The following DLG2 variants were observed in gnomAD, a reference collection of about 807,000 sequenced individuals.
DLG2 encodes the protein discs large MAGUK scaffold protein 2.
DLG2 carries 45 observed loss-of-function variants against 132.5 expected under a neutral mutation model. That is an observed-to-expected ratio of 0.34 (90% confidence interval 0.27 to 0.44). The LOEUF (loss-of-function observed/expected upper bound fraction) is 0.44, where lower values mean the gene tolerates loss of function less well. Ranked by LOEUF, DLG2 falls within the 20% of genes least tolerant of loss-of-function variation. The pLI, the probability that DLG2 is intolerant of heterozygous loss-of-function variation, is 1.00. For missense variants in DLG2, 1,045 were observed against 1,196.9 expected (o/e 0.87, Z 1.87); for synonymous variants, 424 against 419.6 (o/e 1.01, Z -0.13).
intron 18 of DLG2, 83 bp from the exon 19 acceptor site, chr11:83,633,408 C>T (rs1370560932): frequency 5.3e-6 from 6 of 1,131,450 alleles, no homozygotes; most frequent in Non-Finnish European, 7.9e-6. Flanking sequence ...AGCCCCTCAC[C>T]CACGTTGTTG....
At chr11:85,103,938 C>T (rs140949161) in intron 6 of DLG2, among the ~76,000 whole-genome samples, 109 of 151,684 alleles carry the variant, frequency 7.2e-4, no homozygotes, top group East Asian at 5.8e-4. Flanking sequence ...AGAAGATAAA[C>T]GGTAATAAGT....
At chr11:84,020,774 T>G (rs754910365) in intron 11 of DLG2, among the ~76,000 whole-genome samples, 4 of 152,192 alleles carry the variant, frequency 2.6e-5, no homozygotes, top group Admixed American at 6.5e-5. Context: ...TTCAGCTCTC[T>G]CAGGACGGCA....
chr11:84,322,634 G>A (rs2098411008), intron 7 of DLG2, among the ~76,000 whole-genome samples: 1 of 149,608 alleles, frequency 6.7e-6, no homozygotes, highest in Non-Finnish European at 1.5e-5. Context: ...CTGTTGCCCA[G>A]GCTGGAGTAC....
chr11:84,161,908 C>G (rs2095555496), intron 9 of DLG2, among the ~76,000 whole-genome samples: 1 of 152,016 alleles, frequency 6.6e-6, no homozygotes, highest in Non-Finnish European at 1.5e-5. Flanking sequence ...GTTAGCATAC[C>G]ATTAAAATTT....
intron 16 of DLG2, among the ~76,000 whole-genome samples, chr11:83,866,476 G>C (rs781088226): frequency 2.6e-5 from 4 of 152,074 alleles, no homozygotes; most frequent in Non-Finnish European, 5.9e-5. Context: ...GCTCTTTAGT[G>C]ACATCTCAGT....
intron 17 of DLG2, among the ~76,000 whole-genome samples, chr11:83,831,886 G>A (rs1054608594): frequency 6.6e-6 from 1 of 151,936 alleles, no homozygotes; most frequent in East Asian, 1.9e-4. Context: ...ATAAATATTT[G>A]AATAAGTTAA....
At chr11:84,182,520 C>A (rs1342142760) in intron 8 of DLG2, among the ~76,000 whole-genome samples, 1 of 150,776 alleles carries the variant, frequency 6.6e-6, no homozygotes, top group African/African-American at 2.4e-5. Flanking sequence ...CAAAGTGAGA[C>A]CCTGTCTCAA....
At chr11:84,652,487 A>G (rs535157913) in intron 6 of DLG2, among the ~76,000 whole-genome samples, 2 of 150,860 alleles carry the variant, frequency 1.3e-5, no homozygotes, top group Non-Finnish European at 1.5e-5. Context: ...ATGTTTAAAG[A>G]AGAAGGCAAT....
chr11:84,266,250 G>C (rs1166968503), intron 7 of DLG2, among the ~76,000 whole-genome samples: 2 of 152,174 alleles, frequency 1.3e-5, no homozygotes, highest in Non-Finnish European at 2.9e-5. Flanking sequence ...CTTCACAAGT[G>C]AGGAAGATAT....
intron 15 of DLG2, among the ~76,000 whole-genome samples, chr11:83,889,810 G>T (rs58831120): frequency 8.6e-5 from 13 of 151,986 alleles, no homozygotes; most frequent in East Asian, 1.9e-4. Context: ...GTCCTTTGTA[G>T]GGACATGGAT....
chr11:85,234,175 T>C (rs1305696491), intron 4 of DLG2, among the ~76,000 whole-genome samples: 1 of 151,902 alleles, frequency 6.6e-6, no homozygotes, highest in Non-Finnish European at 1.5e-5. Flanking sequence ...TGTTCTATGA[T>C]ACAGGAAGGT....
intron 6 of DLG2, among the ~76,000 whole-genome samples, chr11:84,744,509 A>C (rs2065101883): frequency 6.6e-6 from 1 of 152,208 alleles, no homozygotes; most frequent in East Asian, 1.9e-4. Flanking sequence ...TTCTGACTGC[A>C]CTAATTAGGG....
chr11:84,396,037 T>C (rs1382594185), intron 7 of DLG2, among the ~76,000 whole-genome samples: 1 of 152,226 alleles, frequency 6.6e-6, no homozygotes, highest in East Asian at 1.9e-4. Flanking sequence ...TAATAAAAGG[T>C]AGCCTGCTCT....
At chr11:84,922,994 T>A in intron 6 of DLG2, 1 of 1,557,420 alleles carries the variant, frequency 6.4e-7, no homozygotes, top group Non-Finnish European at 8.9e-7. Flanking sequence ...ATCCGAAAAG[T>A]CCTGAAGCTA....
chr11:84,831,943 A>G (rs559890962), intron 6 of DLG2, among the ~76,000 whole-genome samples: 19 of 151,770 alleles, frequency 1.3e-4, no homozygotes, highest in Non-Finnish European at 2.4e-4. Context: ...TAATTGAACA[A>G]TTAGTTAACA....
intron 18 of DLG2, among the ~76,000 whole-genome samples, chr11:83,645,544 CATAA>C (rs1472699442): frequency 6.6e-6 from 1 of 151,990 alleles, no homozygotes; most frequent in Non-Finnish European, 1.5e-5. Flanking sequence ...GACTTTTATG[CATAA>C]ATAAATAAAA....
At chr11:85,549,992 A>G (rs2076571297) in intron 3 of DLG2, among the ~76,000 whole-genome samples, 1 of 152,248 alleles carries the variant, frequency 6.6e-6, no homozygotes, top group African/African-American at 2.4e-5. Context: ...TTAACAATAA[A>G]TATAAGCAGC....
chr11:84,628,730 G>C (rs2099626905), intron 6 of DLG2, among the ~76,000 whole-genome samples: 1 of 152,146 alleles, frequency 6.6e-6, no homozygotes, highest in Admixed American at 6.5e-5. Context: ...AAGTCACTTG[G>C]TGGGTTGGAG....
intron 16 of DLG2, 114 bp downstream of exon 16, chr11:83,874,306 A>G (rs373763233): frequency 3.1e-6 from 1 of 321,810 alleles, no homozygotes; most frequent in Non-Finnish European, 4.6e-6. Context: ...GAAGGAAGGA[A>G]AGAAGGAAGG....
Sources: gnomAD v4.1 joint callset for allele counts (sites outside exome capture counted in the v4.1 genomes callset) on GRCh38, gnomAD v4.1.1 for gene constraint, MANE v1.5 for transcripts, NCBI Gene and HGNC (gene_info 2026-07-23, HGNC 2026-07-21) for gene names.